The following DCDC2 variants were observed in gnomAD, a reference collection of about 807,000 sequenced individuals.
The protein encoded by DCDC2 is doublecortin domain containing 2.
DCDC2 carries 40 observed loss-of-function variants against 50.2 expected under a neutral mutation model. The observed-to-expected ratio is 0.80, with a 90% CI of 0.62 to 1.04. The LOEUF (loss-of-function observed/expected upper bound fraction) is 1.04. Among genes scored for constraint, DCDC2 ranks in the 50% least tolerant of loss-of-function variants. The pLI, the probability that DCDC2 is intolerant of heterozygous loss-of-function variation, is 0.00. For synonymous variants in DCDC2, 234 were observed against 210.6 expected (o/e 1.11, Z -0.96); for missense variants, 570 against 581.9 (o/e 0.98, Z 0.21).
chr6:24,196,384 A>G (rs1234165229), intron 8 of DCDC2, among the ~76,000 whole-genome samples: 3 of 152,166 alleles, frequency 2.0e-5, no homozygotes, highest in South Asian at 2.1e-4. Context: ...AGATAGGTAG[A>G]TAGATAAGTA....
At chr6:24,367,127 T>C in the DCDC2 span, among the ~76,000 whole-genome samples, 1 of 152,240 alleles carries the variant, frequency 6.6e-6, no homozygotes, top group Non-Finnish European at 1.5e-5. Context: ...TGAGACACCA[T>C]GCCTGGCTAA....
Position 24,278,232 on chromosome 6 carries a change from C to T in DCDC2, c.760-21G>A, listed in dbSNP as rs745912337. On this transcript the variant is annotated intron_variant, in intron 6 of 9. Transcript: ENST00000378454. ...TTTCCCTAAATGGCAAAGTATTAGA[C>T]CCTTATTATTAGCTAATGAACTCTC... 4.4e-6 allele frequency: 7 copies of T among 1,579,246 alleles called. No individual in the cohort carries two copies. In the African/African-American group the frequency reaches 8.2e-5, roughly 19 times the overall value.
At chr6:24,343,242 G>T (rs566805206) in intron 2 of DCDC2, among the ~76,000 whole-genome samples, 1 of 152,020 alleles carries the variant, frequency 6.6e-6, no homozygotes, top group South Asian at 2.1e-4. Context: ...AGTAGAGACG[G>T]GTTTCACCGT....
chr6:24,217,414 T>G (rs772855081), intron 7 of DCDC2, among the ~76,000 whole-genome samples: 2 of 152,232 alleles, frequency 1.3e-5, no homozygotes, highest in Non-Finnish European at 2.9e-5. Context: ...ACCAATAATA[T>G]GTTTCTACTA....
intron 7 of DCDC2, among the ~76,000 whole-genome samples, chr6:24,210,931 C>T (rs1349297579): frequency 1.3e-5 from 2 of 152,184 alleles, no homozygotes; most frequent in African/African-American, 2.4e-5. Context: ...CTCTCTCCTG[C>T]CTCATGGCTT....
At chr6:24,196,716 C>CATGGAGCT (rs1761452523) in intron 8 of DCDC2, among the ~76,000 whole-genome samples, 2 of 152,174 alleles carry the variant, frequency 1.3e-5, no homozygotes, top group South Asian at 4.1e-4. Flanking sequence ...TGAGCTACCA[C>CATGGAGCT]ACCCAGCTCC....
upstream of DCDC2, among the ~76,000 whole-genome samples, chr6:24,359,206 T>TG (rs1760587583): frequency 1.3e-5 from 1 of 76,232 alleles, no homozygotes; most frequent in African/African-American, 5.5e-5. Flanking sequence ...TTATATATAT[T>TG]TTATATATTA....
At chr6:24,284,140 G>C (rs777371432) in intron 6 of DCDC2, among the ~76,000 whole-genome samples, 1 of 152,174 alleles carries the variant, frequency 6.6e-6, no homozygotes, top group Admixed American at 6.5e-5. Context: ...TTGGATCAGC[G>C]AATCAGTCAA....
At chr6:24,236,191 T>C (rs540129887) in intron 7 of DCDC2, among the ~76,000 whole-genome samples, 2 of 152,152 alleles carry the variant, frequency 1.3e-5, no homozygotes, top group African/African-American at 4.8e-5. Context: ...CTTCAAACTA[T>C]ACTAAAAGGC....
chr6:24,242,866 G>A (rs1762592985), intron 7 of DCDC2, among the ~76,000 whole-genome samples: 1 of 152,126 alleles, frequency 6.6e-6, no homozygotes. Context: ...GGAGGCTGAG[G>A]CAGGAGAATT....
chr6:24,285,739 TTA>T (rs531527059), intron 6 of DCDC2, among the ~76,000 whole-genome samples: 102 of 152,348 alleles, frequency 6.7e-4, no homozygotes, highest in African/African-American at 2.4e-3. Flanking sequence ...AATTAAAATT[TTA>T]GTTTTTCAAA....
chr6:24,367,194 A>G, the DCDC2 span, among the ~76,000 whole-genome samples: 1 of 152,254 alleles, frequency 6.6e-6, no homozygotes, highest in Non-Finnish European at 1.5e-5. Context: ...AGAATTCAGA[A>G]AAGCCAAAAC....
intron 2 of DCDC2, among the ~76,000 whole-genome samples, chr6:24,332,613 C>T (rs1198634906): frequency 6.6e-6 from 1 of 152,160 alleles, no homozygotes; most frequent in Non-Finnish European, 1.5e-5. Flanking sequence ...CAGAATAAGT[C>T]ATAGTTTTAC....
chr6:24,212,721 G>T (rs1288728759), intron 7 of DCDC2, among the ~76,000 whole-genome samples: 3 of 152,100 alleles, frequency 2.0e-5, no homozygotes, highest in Non-Finnish European at 2.9e-5. Context: ...AACGTGAACA[G>T]ACATTTTAGT....
At chr6:24,328,616 TG>T (rs1356751188) in intron 2 of DCDC2, among the ~76,000 whole-genome samples, 2 of 152,352 alleles carry the variant, frequency 1.3e-5, no homozygotes, top group African/African-American at 4.8e-5. Flanking sequence ...CTAAATTTTA[TG>T]GTTCTATGTC....
chr6:24,217,767 T>G (rs1235426009), intron 7 of DCDC2, among the ~76,000 whole-genome samples: 1 of 152,192 alleles, frequency 6.6e-6, no homozygotes, highest in Non-Finnish European at 1.5e-5. Context: ...CATAGTAATG[T>G]TTGAAGAGGA....
intron 2 of DCDC2, among the ~76,000 whole-genome samples, chr6:24,303,357 C>T (rs976777941): frequency 6.6e-6 from 1 of 152,132 alleles, no homozygotes; most frequent in Non-Finnish European, 1.5e-5. Flanking sequence ...TCCTTCCACA[C>T]AGACTCCTCG....
chr6:24,252,824 A>G (rs1048962977), intron 7 of DCDC2, among the ~76,000 whole-genome samples: 2 of 152,180 alleles, frequency 1.3e-5, no homozygotes, highest in Admixed American at 1.3e-4. Flanking sequence ...CAACAATACA[A>G]AGAGACTAAA....
chr6:24,313,765 A>C (rs562694472), intron 2 of DCDC2, among the ~76,000 whole-genome samples: 98 of 152,360 alleles, frequency 6.4e-4, no homozygotes, highest in African/African-American at 2.2e-3. Flanking sequence ...TGAACCCACC[A>C]ACAGATGGCA....
Sources: allele counts gnomAD v4.1 joint callset (sites outside exome capture counted in the v4.1 genomes callset), GRCh38; gene constraint gnomAD v4.1.1; transcripts MANE v1.5; gene names NCBI Gene and HGNC (gene_info 2026-07-23, HGNC 2026-07-21).